Variants in UNC5D observed in about 807,000 individuals in gnomAD.
UNC5D encodes unc-5 netrin receptor D.
Under a neutral mutation model 105.4 loss-of-function variants are expected in UNC5D, and 39 were observed. That is an observed-to-expected ratio of 0.37 (90% CI 0.29 to 0.48). The LOEUF (loss-of-function observed/expected upper bound fraction) is 0.48, where lower values mean the gene tolerates loss of function less well. Among genes scored for constraint, UNC5D ranks in the 20% least tolerant of loss-of-function variants. The pLI, the probability that UNC5D is intolerant of heterozygous loss-of-function variation, is 0.98. For missense variants in UNC5D, 991 were observed against 1,202.4 expected (o/e 0.82, Z 2.60); for synonymous variants, 452 against 450.4 (o/e 1.00, Z -0.04).
intron 1 of UNC5D, among the ~76,000 whole-genome samples, chr8:35,407,064 T>C (rs1217052672): frequency 1.3e-5 from 2 of 152,172 alleles, no homozygotes; most frequent in Non-Finnish European, 1.5e-5. Context: ...ACTGTATTTT[T>C]ACTGTACCTT....
rs180705811 is a variant in UNC5D, at chr8:35,455,436, G to A, written c.104-93856G>A. Reference sequence around the variant, plus strand: ...TGGGATTACAGGCAAACAACACCACGCCTGGCTAACTTCTGTATTCTTAGT... The same window carrying A: ...TGGGATTACAGGCAAACAACACCACACCTGGCTAACTTCTGTATTCTTAGT... On this transcript the variant is annotated intron_variant, in intron 1 of 16. Transcript: ENST00000404895. 1.8e-4 allele frequency among the ~76,000 whole-genome samples: 27 copies of A among 151,786 alleles called. No homozygotes were observed. In the East Asian group the frequency reaches 3.9e-3, roughly 22 times the overall value.
At chr8:35,633,638 C>A (rs1822183753) in intron 4 of UNC5D, among the ~76,000 whole-genome samples, 1 of 152,016 alleles carries the variant, frequency 6.6e-6, no homozygotes, top group Non-Finnish European at 1.5e-5. Context: ...GCCTGTAATC[C>A]TAGCTACTTG....
intron 1 of UNC5D, among the ~76,000 whole-genome samples, chr8:35,465,085 T>A (rs1809200118): frequency 6.6e-6 from 1 of 152,212 alleles, no homozygotes; most frequent in South Asian, 2.1e-4. Context: ...ATATTCTTTA[T>A]GACAAGGTCA....
intron 1 of UNC5D, chr8:35,254,339 T>C (rs1803924749): frequency 6.6e-6 from 1 of 152,210 alleles, no homozygotes; most frequent in Admixed American, 6.5e-5. Flanking sequence ...AGAGATTAGA[T>C]GCAATGCCCA....
intron 1 of UNC5D, among the ~76,000 whole-genome samples, chr8:35,512,496 A>C (rs1213552650): frequency 1.7e-5 from 2 of 115,422 alleles, no homozygotes; most frequent in Non-Finnish European, 3.5e-5. Context: ...ATATATATAT[A>C]TATATATATA....
intron 4 of UNC5D, among the ~76,000 whole-genome samples, chr8:35,614,572 A>C (rs1178936814): frequency 6.6e-6 from 1 of 152,194 alleles, no homozygotes; most frequent in Non-Finnish European, 1.5e-5. Flanking sequence ...TCTAAAAAAA[A>C]AAGTGAGTTT....
intron 1 of UNC5D, among the ~76,000 whole-genome samples, chr8:35,515,662 G>A (rs1217769342): frequency 2.6e-5 from 4 of 152,174 alleles, no homozygotes; most frequent in Admixed American, 6.5e-5. Flanking sequence ...TGCAGCCTGG[G>A]CAACAAAATG....
At chr8:35,471,703 G>A (rs1461548801) in intron 1 of UNC5D, among the ~76,000 whole-genome samples, 1 of 152,046 alleles carries the variant, frequency 6.6e-6, no homozygotes, top group Non-Finnish European at 1.5e-5. Context: ...ATCTAGCAAA[G>A]CTATTGTGAT....
chr8:35,306,985 C>A (rs1383187631), intron 1 of UNC5D, among the ~76,000 whole-genome samples: 2 of 152,110 alleles, frequency 1.3e-5, no homozygotes, highest in Non-Finnish European at 2.9e-5. Flanking sequence ...AATGTATTCA[C>A]AATTGTGAAA....
chr8:35,427,358 G>T lies in UNC5D; in HGVS notation c.104-121934G>T, dbSNP rs113838712. Among the ~76,000 whole-genome samples, 14 of 152,330 alleles carry T rather than the reference G, an allele frequency of 9.2e-5. 1 individual carries two copies. The highest frequency in any genetic ancestry group is 3.4e-4 in the African/African-American group (14 of 41,572). On this transcript the variant is annotated intron_variant, in intron 1 of 16. Transcript: ENST00000404895. The stretch of plus-strand genomic sequence containing the variant: ...GCTGGTCCTCACAAACCCACCTGGG[G>T]CTACCTTGGGTGGCATCTTGCTAGA...
Position 35,793,203 on chromosome 8 carries a change from C to CA in UNC5D, c.*2641dup. 1 of 455,462 alleles carries CA rather than the reference C, an allele frequency of 2.2e-6. No individual in the cohort carries two copies. The highest frequency in any genetic ancestry group is 1.6e-5 in the South Asian group (1 of 64,300). The allele number at this position is 455,462 out of a possible 1,614,324, so 28.2% of individuals were successfully genotyped here. A position where few individuals can be genotyped will look rare whatever the true frequency, so the allele number is the denominator to read the frequency against. On this transcript the variant is annotated 3_prime_UTR_variant, in exon 17 of 17. Coordinates refer to ENST00000404895, the MANE Select transcript of UNC5D (RefSeq NM_080872.4). ...CTGTGGTCACTGCATGTCAGGATTGCACAGTATGTTACAATACAATTTCAA... is the reference window on the plus strand; with the variant it reads ...CTGTGGTCACTGCATGTCAGGATTGCAACAGTATGTTACAATACAATTTCAA...
intron 1 of UNC5D, among the ~76,000 whole-genome samples, chr8:35,537,209 T>C (rs1188313119): frequency 6.6e-6 from 1 of 151,838 alleles, no homozygotes; most frequent in East Asian, 1.9e-4. Flanking sequence ...AGTAGAAAAA[T>C]ATGATTTAAT....
At chr8:35,657,502 A>G in intron 4 of UNC5D, among the ~76,000 whole-genome samples, 1 of 151,980 alleles carries the variant, frequency 6.6e-6, no homozygotes, top group Non-Finnish European at 1.5e-5. Flanking sequence ...TTTATTTTTT[A>G]GAGGTAAGGT....
chr8:35,441,860 G>A (rs1021190479), intron 1 of UNC5D, among the ~76,000 whole-genome samples: 6 of 151,516 alleles, frequency 4.0e-5, no homozygotes, highest in African/African-American at 9.7e-5. Flanking sequence ...AATAAGAAGC[G>A]GGACAACCAA....
intron 1 of UNC5D, among the ~76,000 whole-genome samples, chr8:35,341,414 C>A (rs1040430295): frequency 1.3e-5 from 2 of 151,678 alleles, no homozygotes; most frequent in African/African-American, 4.8e-5. Flanking sequence ...AAAGCCGAAA[C>A]CAGAATGAGC....
intron 8 of UNC5D, among the ~76,000 whole-genome samples, chr8:35,713,199 GACACAA>G (rs1828062109): frequency 6.6e-6 from 1 of 152,134 alleles, no homozygotes; most frequent in Non-Finnish European, 1.5e-5. Context: ...CATAAGCACA[GACACAA>G]GTAAGTGATA....
At chr8:35,435,708 G>T (rs1174639455) in intron 1 of UNC5D, among the ~76,000 whole-genome samples, 1 of 152,088 alleles carries the variant, frequency 6.6e-6, no homozygotes, top group Non-Finnish European at 1.5e-5. Flanking sequence ...TAGGTGGGGA[G>T]ATGAACTGTA....
chr8:35,540,248 T>C (rs1020531468), intron 1 of UNC5D, among the ~76,000 whole-genome samples: 5 of 152,206 alleles, frequency 3.3e-5, no homozygotes, highest in African/African-American at 1.2e-4. Flanking sequence ...CAGCAAGATA[T>C]TCTTTTTTAC....
chr8:35,610,023 T>C (rs1363456615), intron 4 of UNC5D, among the ~76,000 whole-genome samples: 1 of 152,142 alleles, frequency 6.6e-6, no homozygotes, highest in Non-Finnish European at 1.5e-5. Context: ...AAAAGTGTTA[T>C]GAATAATAAA....
Sources: gnomAD v4.1 joint callset for allele counts (sites outside exome capture counted in the v4.1 genomes callset) on GRCh38, gnomAD v4.1.1 for gene constraint, MANE v1.5 for transcripts, NCBI Gene and HGNC (gene_info 2026-07-23, HGNC 2026-07-21) for gene names.